Variants in RRP12 observed in about 807,000 individuals in gnomAD.
The protein encoded by RRP12 is ribosomal RNA processing 12 homolog, also known as RRP12-like protein.
Under a neutral mutation model 157.3 loss-of-function variants are expected in RRP12, and 78 were observed. The observed-to-expected ratio is 0.50, with a 90% confidence interval of 0.41 to 0.60. The LOEUF is 0.60. Among genes scored for constraint, RRP12 ranks in the 20% least tolerant of loss-of-function variants. The pLI, the probability that RRP12 is intolerant of heterozygous loss-of-function variation, is 0.00. For synonymous variants in RRP12, 726 were observed against 670.9 expected, an observed-to-expected ratio of 1.08 and a Z score of -1.27; for missense variants, 1,521 against 1,679.9, an observed-to-expected ratio of 0.91 and a Z score of 1.65.
At position 97,359,180 on chromosome 10, in the gene RRP12, G is replaced by A. The variant is rs114428187; in HGVS notation, c.3641-170C>T. Among the ~76,000 whole-genome samples the A allele has an allele frequency of 3.6e-3, 541 of 152,340 alleles. 5 individuals are homozygous for A. Among genetic ancestry groups the A allele is most frequent in the African/African-American group, 0.012 (514 of 41,586 alleles). On this transcript the variant is annotated intron_variant, in intron 31 of 33. Transcript: ENST00000370992. Reference sequence around the variant, plus strand: ...CAAAGACCTTCCTCGAGGAGGGACTGTCTGGTGATTTGACAGTTAGATCAC... The same window carrying A: ...CAAAGACCTTCCTCGAGGAGGGACTATCTGGTGATTTGACAGTTAGATCAC...
rs1320340705 is a variant in RRP12, at chr10:97,388,671, C to T, written c.754-47G>A. Reference sequence around the variant, plus strand: ...AGACAAGGCCAGATCAGCGTTCCACCAGCATCTTGGGTGTCCGGCACAAGC... The same window carrying T: ...AGACAAGGCCAGATCAGCGTTCCACTAGCATCTTGGGTGTCCGGCACAAGC... On this transcript the variant is annotated intron_variant, in intron 6 of 33. Transcript: ENST00000370992. 2.5e-6 allele frequency: 4 copies of T among 1,600,744 alleles called. No individual in the cohort carries two copies. The East Asian group carries it at 9.0e-5, about 36-fold the overall frequency.
chr10:97,384,959 G>A (rs1844580043), intron 10 of RRP12, among the ~76,000 whole-genome samples: 1 of 136,362 alleles, frequency 7.3e-6, no homozygotes, highest in Admixed American at 7.6e-5. Context: ...AAGACCCTGA[G>A]GACCCCCCAC....
chr10:97,369,522 G>A lies in RRP12; in HGVS notation c.2858C>T (p.Ser953Phe), dbSNP rs774459555. Residue 953 changes from serine to phenylalanine, a missense_variant, in exon 25 of 34, where the codon TCC becomes TTC. Coordinates refer to ENST00000370992, the MANE Select transcript of RRP12 (RefSeq NM_015179.4). ...LLENVCLLLA[S>F]RTRDVVKSAL... ...AGACTTGACCACGTCACGGGTGCGG[G>A]AGGCCAGAAGCAGGCACACATTCTC... The A allele has an allele frequency of 8.8e-6, 14 of 1,597,030 alleles. No homozygotes were observed. The Admixed American group carries it at 1.6e-4, about 18-fold the overall frequency.
In RRP12 at chr10:97,366,456, T is replaced by C. The variant is rs144919715; in HGVS notation, c.3381A>G (p.Gln1127=). 26 of 1,611,694 alleles carry C rather than the reference T, an allele frequency of 1.6e-5. No homozygotes were observed. The highest frequency in any genetic ancestry group is 6.6e-5 in the South Asian group (6 of 90,790). Residue 1127 remains glutamine, a synonymous_variant, in exon 28 of 34, where the codon CAA becomes CAG. Transcript: ENST00000370992. ...PLNFLDPKVA[Q]RVLATQPGPG... is the part of the protein sequence containing the mutation. The stretch of plus-strand genomic sequence containing the variant: ...CAGCCCTGTGCTTACCCAGGACTCG[T>C]TGGGCCACCTTGGGATCCAGGAAGT...
At chr10:97,387,428 G>T (rs1276259587) in intron 8 of RRP12, among the ~76,000 whole-genome samples, 1 of 150,560 alleles carries the variant, frequency 6.6e-6, no homozygotes, top group Non-Finnish European at 1.5e-5. Context: ...CAACCTCCTG[G>T]GCTCAAGCAA....
intron 4 of RRP12, among the ~76,000 whole-genome samples, chr10:97,391,169 A>G (rs538336409): frequency 3.3e-5 from 5 of 152,310 alleles, no homozygotes; most frequent in South Asian, 2.1e-4. Flanking sequence ...TGCTCCAGGA[A>G]TGCCCCTTCT....
Position 97,390,836 on chromosome 10 carries a change from C to T in RRP12, c.539G>A (p.Ser180Asn). The T allele has an allele frequency of 1.9e-6, 3 of 1,603,802 alleles. No homozygotes were observed. Among genetic ancestry groups the T allele is most frequent in the Non-Finnish European group, 2.6e-6 (3 of 1,170,556 alleles). Residue 180 changes from serine to asparagine, a missense_variant, in exon 5 of 34, where the codon AGC becomes AAC. Ser to Asn is a conservative substitution (Grantham distance 46, BLOSUM62 1). Coordinates refer to ENST00000370992, the MANE Select transcript of RRP12 (RefSeq NM_015179.4). The stretch of plus-strand genomic sequence containing the variant: ...AGAGAACTTCTTAATAAGCACAGGG[C>T]TGGGAACACTGTGGGAAAGAACAGA... ...LLNLVLKRVPSPVLIKKFSDT... is the reference protein window; with the variant it reads ...LLNLVLKRVPNPVLIKKFSDT...
At chr10:97,363,529 G>A (rs1843895613) in intron 30 of RRP12, among the ~76,000 whole-genome samples, 1 of 152,212 alleles carries the variant, frequency 6.6e-6, no homozygotes. Flanking sequence ...ACAGTGCTGG[G>A]CACACAGCCA....
chr10:97,390,297 G>A, intron 6 of RRP12, 126 bp downstream of exon 6: 1 of 739,354 alleles, frequency 1.4e-6, no homozygotes, highest in East Asian at 2.5e-5. Context: ...TGCCTCAGAA[G>A]CAGAAAGCAG....
At position 97,369,563 on chromosome 10, in the gene RRP12, T is replaced by C. The variant is rs982674755; in HGVS notation, c.2817A>G (p.Thr939=). 1.9e-6 allele frequency: 3 copies of C among 1,569,100 alleles called. No individual in the cohort carries two copies. ...FEFKGLMGTS[T]VEQLLENVCL... is the part of the protein sequence containing the mutation. ...ACACATTCTCCAGCAGCTGCTCCAC[T>C]GTACTGGTCCCCATCAGACCTGTGG... is the stretch of plus-strand genomic sequence containing the variant. Residue 939 remains threonine (T), a synonymous_variant, in exon 25 of 34, where the codon ACA becomes ACG. Coordinates refer to ENST00000370992, the MANE Select transcript of RRP12 (RefSeq NM_015179.4).
chr10:97,390,981 T>A (rs745361923), intron 4 of RRP12, 137 bp from the exon 5 acceptor site: 2 of 665,220 alleles, frequency 3.0e-6, no homozygotes, highest in Non-Finnish European at 5.5e-6. Flanking sequence ...AAAGTCAGAA[T>A]AGGCACCCAC....
intron 2 of RRP12, 53 bp downstream of exon 2, chr10:97,400,252 C>G: frequency 7.5e-7 from 1 of 1,339,374 alleles, no homozygotes; most frequent in Non-Finnish European, 1.1e-6. Flanking sequence ...GAAGAAAAGG[C>G]ATGAGTTGGC....
chr10:97,368,075 G>A (rs1326198694), intron 25 of RRP12, among the ~76,000 whole-genome samples: 1 of 138,316 alleles, frequency 7.2e-6, no homozygotes, highest in Non-Finnish European at 1.5e-5. Flanking sequence ...CTGTCACCCT[G>A]GCTGGAGTGC....
At chr10:97,392,563 G>C (rs1458541599) in intron 4 of RRP12, among the ~76,000 whole-genome samples, 1 of 151,222 alleles carries the variant, frequency 6.6e-6, no homozygotes, top group Non-Finnish European at 1.5e-5. Context: ...TGGCCAGGCT[G>C]GTCTCCAACT....
intron 2 of RRP12, among the ~76,000 whole-genome samples, chr10:97,399,811 G>C (rs1845086766): frequency 6.6e-6 from 1 of 151,926 alleles, no homozygotes; most frequent in Admixed American, 6.6e-5. Context: ...GCAGCTACTT[G>C]GGAGGCTGAG....
At position 97,366,859 on chromosome 10, in the gene RRP12, A is replaced by G. The variant is rs1400194354; in HGVS notation, c.3098T>C (p.Val1033Ala). 1.9e-6 allele frequency: 3 copies of G among 1,613,948 alleles called. No homozygotes were observed. In the African/African-American group the frequency reaches 4.0e-5, roughly 22 times the overall value. The change falls in exon 27 of 34, where the codon GTC becomes GCC. Residue 1033 changes from valine (V) to alanine (A), a missense_variant. Coordinates refer to ENST00000370992, the MANE Select transcript of RRP12 (RefSeq NM_015179.4). ...LLPEEYHRVL[V>A]NIRKAEARAK... ...CCGGGCCTCAGCTTTCCGGATGTTGACCAGGACTCTGTGGTACTCCTCGGG... is the reference window on the plus strand; with the variant it reads ...CCGGGCCTCAGCTTTCCGGATGTTGGCCAGGACTCTGTGGTACTCCTCGGG...
Position 97,366,443 on chromosome 10 carries a change from T to C in RRP12, c.3391+3A>G. ...TGAGTGCACTGGCCAGCCCTGTGCTTACCCAGGACTCGTTGGGCCACCTTG... is the reference window on the plus strand; with the variant it reads ...TGAGTGCACTGGCCAGCCCTGTGCTCACCCAGGACTCGTTGGGCCACCTTG... On this transcript the variant is annotated splice_donor_region_variant and intron_variant, in intron 28 of 33. Transcript: ENST00000370992. 1 of 1,608,812 alleles carries C rather than the reference T, an allele frequency of 6.2e-7. No individual in the cohort carries two copies. Among genetic ancestry groups the C allele is most frequent in the Non-Finnish European group, 8.5e-7 (1 of 1,177,276 alleles).
intron 15 of RRP12, among the ~76,000 whole-genome samples, chr10:97,374,447 A>C (rs1844248143): frequency 6.6e-6 from 1 of 151,128 alleles, no homozygotes; most frequent in Non-Finnish European, 1.5e-5. Flanking sequence ...CAGGTGTGCA[A>C]CACTGCACCC....
At chr10:97,383,006 C>A (rs2133071999) in intron 10 of RRP12, among the ~76,000 whole-genome samples, 1 of 152,322 alleles carries the variant, frequency 6.6e-6, no homozygotes, top group Admixed American at 6.5e-5. Context: ...AAGTGATCTG[C>A]CCATCTCGGT....
Sources: allele counts gnomAD v4.1 joint callset (sites outside exome capture counted in the v4.1 genomes callset), GRCh38; gene constraint gnomAD v4.1.1; transcripts MANE v1.5; gene names NCBI Gene and HGNC (gene_info 2026-07-23, HGNC 2026-07-21).